GJC3: variants seen among roughly 807,000 people sequenced by gnomAD.
GJC3 encodes the protein gap junction gamma-3 protein.
In GJC3, 17 loss-of-function variants were observed where a neutral mutation model predicts 19.8. The ratio of observed to expected loss-of-function variants is 0.86; its 90% CI spans 0.59 to 1.29. The LOEUF is 1.29. Ranked by LOEUF, GJC3 falls within the 50% of genes most tolerant of loss-of-function variation. The pLI is 0.00. For synonymous variants in GJC3, 140 were observed against 136.5 expected (o/e 1.03, Z -0.18); for missense variants, 317 against 332.5 (o/e 0.95, Z 0.36).
chr7:99,927,362 G>C (rs1169569799), intron 1 of GJC3, among the ~76,000 whole-genome samples: 1 of 152,204 alleles, frequency 6.6e-6, no homozygotes, highest in Non-Finnish European at 1.5e-5. Context: ...TGTTTTAAAA[G>C]GGGGTGGTAT....
intron 1 of GJC3, among the ~76,000 whole-genome samples, chr7:99,924,565 G>A (rs1294959859): frequency 6.6e-6 from 1 of 152,144 alleles, no homozygotes; most frequent in African/African-American, 2.4e-5. Flanking sequence ...TGGGCGATGA[G>A]CAAAATTCCA....
chr7:99,929,597 C>A lies in GJC3; in HGVS notation c.24G>T (p.Arg8=). MCGRFLR[R]LLAEESRRST... is the part of the protein sequence containing the mutation. Reference sequence around the variant, plus strand: ...AGCGCCGGCTCTCCTCCGCCAGCAGCCGCCGCAGGAACCTGCCACACATCC... The same window carrying A: ...AGCGCCGGCTCTCCTCCGCCAGCAGACGCCGCAGGAACCTGCCACACATCC... Residue 8 remains arginine, a synonymous_variant, in exon 1 of 2, where the codon CGG becomes CGT. Transcript: ENST00000312891. 6.2e-7 allele frequency: 1 copy of A among 1,609,194 alleles called. No individual in the cohort carries two copies. The highest frequency in any genetic ancestry group is 8.5e-7 in the Non-Finnish European group (1 of 1,179,342).
intron 1 of GJC3, among the ~76,000 whole-genome samples, chr7:99,927,153 A>C (rs940536932): frequency 6.6e-6 from 1 of 152,258 alleles, no homozygotes; most frequent in Admixed American, 6.5e-5. Flanking sequence ...TCTGCTGCAC[A>C]GAAAAGGTGG....
chr7:99,926,598 A>G (rs1819804974), intron 1 of GJC3, among the ~76,000 whole-genome samples: 1 of 152,248 alleles, frequency 6.6e-6, no homozygotes. Context: ...ATATTGCATG[A>G]TTCCATTTGT....
chr7:99,928,278 C>T (rs2115587869), intron 1 of GJC3, among the ~76,000 whole-genome samples: 1 of 152,326 alleles, frequency 6.6e-6, no homozygotes, highest in South Asian at 2.1e-4. Context: ...GGAGGCTTCT[C>T]CCGGCTGACT....
chr7:99,925,439 C>G (rs1180595708), intron 1 of GJC3, among the ~76,000 whole-genome samples: 1 of 152,110 alleles, frequency 6.6e-6, no homozygotes, highest in Non-Finnish European at 1.5e-5. Context: ...CTATACAACT[C>G]TTATGGAAAC....
Position 99,923,315 on chromosome 7 carries a change from T to A in GJC3, c.*230A>T. ...TACTTGCGATAAGTAAGGAGGACACTGGGAATAATTCCCCAAAGCAATGCC... is the reference window on the plus strand; with the variant it reads ...TACTTGCGATAAGTAAGGAGGACACAGGGAATAATTCCCCAAAGCAATGCC... On this transcript the variant is annotated 3_prime_UTR_variant, in exon 2 of 2. Transcript: ENST00000312891. The A allele has an allele frequency of 1.7e-6, 1 of 580,360 alleles. No homozygotes were observed. The highest frequency in any genetic ancestry group is 2.0e-5 in the South Asian group (1 of 50,308). 36.0% of individuals were successfully genotyped at this position (580,360 alleles called of 1,614,324 possible).
At chr7:99,930,192 A>T (rs1471795549), upstream of GJC3, among the ~76,000 whole-genome samples, 1 of 152,142 alleles carries the variant, frequency 6.6e-6, no homozygotes, top group Non-Finnish European at 1.5e-5. Flanking sequence ...ACAGTGGTAA[A>T]GTTGAGAGGT....
rs1359362732 is a variant in GJC3, at chr7:99,923,301, A to T, written c.*244T>A. ...CAGGGGGATTTTATTACTTGCGATAAGTAAGGAGGACACTGGGAATAATTC... is the reference window on the plus strand; with the variant it reads ...CAGGGGGATTTTATTACTTGCGATATGTAAGGAGGACACTGGGAATAATTC... On this transcript the variant is annotated 3_prime_UTR_variant, in exon 2 of 2. Transcript: ENST00000312891. The T allele has an allele frequency of 5.4e-6, 3 of 553,144 alleles. No homozygotes were observed. In the African/African-American group the frequency reaches 5.7e-5, roughly 10 times the overall value. The allele number at this position is 553,144 out of a possible 1,614,324, so 34.3% of individuals were successfully genotyped here.
intron 1 of GJC3, among the ~76,000 whole-genome samples, chr7:99,924,431 T>C (rs1819750768): frequency 6.6e-6 from 1 of 151,992 alleles, no homozygotes; most frequent in Admixed American, 6.6e-5. Flanking sequence ...CTGCTAAAAA[T>C]ACAAAAATTA....
intron 1 of GJC3, among the ~76,000 whole-genome samples, chr7:99,925,946 T>C (rs960961187): frequency 4.2e-4 from 64 of 152,340 alleles, no homozygotes; most frequent in Non-Finnish European, 2.1e-4. Context: ...AGTTTGGCAG[T>C]TCCTCAAAAG....
rs1380114414 is a variant in GJC3, at chr7:99,923,628, G to T, written c.782-25C>A. 8 of 780,192 alleles carry T rather than the reference G, an allele frequency of 1.0e-5. 1 individual carries two copies. Among genetic ancestry groups the T allele is most frequent in the Non-Finnish European group, 1.9e-5 (8 of 417,800 alleles). 48.3% of individuals were successfully genotyped at this position (780,192 alleles called of 1,614,324 possible). A position where few individuals can be genotyped will look rare whatever the true frequency, so the allele number is the denominator to read the frequency against. ...ACTTTTTAAAACAAAAATTCAAGAT[G>T]TAACAGTTACAAGTGTGTAACTTTT... On this transcript the variant is annotated intron_variant, in intron 1 of 1. Coordinates refer to ENST00000312891, the MANE Select transcript of GJC3 (RefSeq NM_181538.3).
chr7:99,926,883 A>G (rs1819811158), intron 1 of GJC3, among the ~76,000 whole-genome samples: 1 of 152,240 alleles, frequency 6.6e-6, no homozygotes, highest in South Asian at 2.1e-4. Context: ...CAAAGCAAAG[A>G]AAGGATGAAG....
At chr7:99,926,562 G>C (rs567996968) in intron 1 of GJC3, among the ~76,000 whole-genome samples, 1 of 152,336 alleles carries the variant, frequency 6.6e-6, no homozygotes, top group South Asian at 2.1e-4. Context: ...TATGCTCAGT[G>C]AAAGAAGCCA....
upstream of GJC3, among the ~76,000 whole-genome samples, chr7:99,929,996 T>C (rs890965579): frequency 3.9e-5 from 6 of 152,218 alleles, no homozygotes; most frequent in African/African-American, 1.4e-4. Context: ...GATGTTTTGT[T>C]AATTTTCCTT....
chr7:99,926,340 A>C (rs1819799441), intron 1 of GJC3, among the ~76,000 whole-genome samples: 1 of 152,146 alleles, frequency 6.6e-6, no homozygotes, highest in African/African-American at 2.4e-5. Context: ...TCCCAAAAAA[A>C]AAAAAAAAAG....
rs986608149 is a variant in GJC3, at chr7:99,923,296, C to T, written c.*249G>A. 13 of 538,532 alleles carry T rather than the reference C, an allele frequency of 2.4e-5. No homozygotes were observed. Among genetic ancestry groups the T allele is most frequent in the South Asian group, 1.2e-4 (6 of 48,752 alleles). The allele number at this position is 538,532 out of a possible 1,614,324, so 33.4% of individuals were successfully genotyped here. On this transcript the variant is annotated 3_prime_UTR_variant, in exon 2 of 2. Transcript: ENST00000312891. ...TTTCCCAGGGGGATTTTATTACTTGCGATAAGTAAGGAGGACACTGGGAAT... is the reference window on the plus strand; with the variant it reads ...TTTCCCAGGGGGATTTTATTACTTGTGATAAGTAAGGAGGACACTGGGAAT...
intron 1 of GJC3, among the ~76,000 whole-genome samples, chr7:99,924,722 G>A (rs1159715568): frequency 6.6e-6 from 1 of 152,042 alleles, no homozygotes; most frequent in Non-Finnish European, 1.5e-5. Context: ...TATACTTTGG[G>A]TATAATCCAA....
At position 99,929,044 on chromosome 7, in the gene GJC3, T is replaced by C; in HGVS notation, c.577A>G (p.Lys193Glu). 1 of 1,614,148 alleles carries C rather than the reference T, an allele frequency of 6.2e-7. No individual in the cohort carries two copies. The highest frequency in any genetic ancestry group is 1.1e-5 in the South Asian group (1 of 91,074). The change falls in exon 1 of 2, where the codon AAG (lysine) becomes GAG (glutamate). Residue 193 changes from lysine (K) to glutamate (E), a missense_variant. Physicochemically the swap from Lys to Glu is moderately conservative, Grantham distance 56. Transcript: ENST00000312891. ...AAACCGCTGACTCCAAACATGGTCT[T>C]TAGGAAAATGGTCTTCTCAGAGGGG... ...SRPSEKTIFL[K>E]TMFGVSGFCL...
Sources: allele counts gnomAD v4.1 joint callset (sites outside exome capture counted in the v4.1 genomes callset), GRCh38; gene constraint gnomAD v4.1.1; transcripts MANE v1.5; gene names NCBI Gene and HGNC (gene_info 2026-07-23, HGNC 2026-07-21).